LRRC4C: variants seen among roughly 807,000 people sequenced by gnomAD.
LRRC4C encodes leucine-rich repeat-containing protein 4C.
Under a neutral mutation model 33.6 loss-of-function variants are expected in LRRC4C, and 5 were observed. The ratio of observed to expected loss-of-function variants is 0.15; its 90% CI spans 0.08 to 0.31. The LOEUF is 0.31. LRRC4C is among the 10% of genes least tolerant of loss of function. The pLI, the probability that LRRC4C is intolerant of heterozygous loss-of-function variation, is 1.00. For missense variants in LRRC4C, 560 were observed against 796.7 expected, an observed-to-expected ratio of 0.70 and a Z score of 3.58; for synonymous variants, 329 against 302.0, an observed-to-expected ratio of 1.09 and a Z score of -0.93.
intron 1 of LRRC4C, among the ~76,000 whole-genome samples, chr11:41,171,081 G>C (rs1944956416): frequency 1.3e-5 from 2 of 151,852 alleles, no homozygotes; most frequent in African/African-American, 2.4e-5. Context: ...TTAGAATGGT[G>C]ATCATTAAAA....
intron 1 of LRRC4C, among the ~76,000 whole-genome samples, chr11:41,169,162 A>G (rs996366213): frequency 5.3e-5 from 8 of 152,188 alleles, no homozygotes; most frequent in Admixed American, 4.6e-4. Flanking sequence ...TATTCTCACT[A>G]TTCCTAGATT....
chr11:40,122,034 A>T (rs1442305467), intron 6 of LRRC4C, among the ~76,000 whole-genome samples: 2 of 152,080 alleles, frequency 1.3e-5, no homozygotes, highest in Non-Finnish European at 2.9e-5. Context: ...ACCAAAGCAA[A>T]TGGCTTCACT....
At chr11:40,977,657 C>A (rs1033231750) in intron 1 of LRRC4C, among the ~76,000 whole-genome samples, 9 of 152,086 alleles carry the variant, frequency 5.9e-5, no homozygotes, top group African/African-American at 1.9e-4. Context: ...TATTTTCAGT[C>A]CAGATTCCTG....
chr11:41,338,433 T>G (rs1437639084), intron 1 of LRRC4C, among the ~76,000 whole-genome samples: 3 of 151,932 alleles, frequency 2.0e-5, no homozygotes, highest in Non-Finnish European at 4.4e-5. Flanking sequence ...CTCAGAAAAT[T>G]AACACAGGAA....
chr11:41,232,334 T>C (rs1947840147), intron 1 of LRRC4C, among the ~76,000 whole-genome samples: 1 of 152,224 alleles, frequency 6.6e-6, no homozygotes, highest in South Asian at 2.1e-4. Flanking sequence ...CTTTGTTGTC[T>C]GAGCTGTACT....
At chr11:40,421,963 G>A (rs886074090) in intron 3 of LRRC4C, among the ~76,000 whole-genome samples, 1 of 152,222 alleles carries the variant, frequency 6.6e-6, no homozygotes, top group South Asian at 2.1e-4. Flanking sequence ...AGTTGAAACC[G>A]TGTTACCCCA....
intron 2 of LRRC4C, among the ~76,000 whole-genome samples, chr11:40,904,364 A>C (rs1458260701): frequency 6.6e-6 from 1 of 152,174 alleles, no homozygotes; most frequent in Admixed American, 6.6e-5. Flanking sequence ...GCTTCCTTAT[A>C]CATAGCAAAT....
chr11:41,020,529 A>G (rs550414897), intron 1 of LRRC4C, among the ~76,000 whole-genome samples: 1 of 152,258 alleles, frequency 6.6e-6, no homozygotes, highest in African/African-American at 2.4e-5. Flanking sequence ...ACAGACATGC[A>G]GAGGGAAGAT....
chr11:40,597,623 T>C (rs901468608), intron 3 of LRRC4C, among the ~76,000 whole-genome samples: 8 of 138,222 alleles, frequency 5.8e-5, no homozygotes, highest in Non-Finnish European at 1.3e-4. Flanking sequence ...AGAAATCCAC[T>C]GCCCAGGTTC....
intron 2 of LRRC4C, among the ~76,000 whole-genome samples, chr11:40,663,758 T>C (rs1943574267): frequency 6.6e-6 from 1 of 152,158 alleles, no homozygotes. Context: ...ATAACAATAC[T>C]ATGGTCTCAA....
intron 3 of LRRC4C, among the ~76,000 whole-genome samples, chr11:40,482,092 T>C (rs535531782): frequency 4.6e-5 from 7 of 152,322 alleles, no homozygotes; most frequent in African/African-American, 1.7e-4. Context: ...ATTAGAGACA[T>C]AAATTTCACT....
At chr11:40,565,528 T>G (rs1385125137) in intron 3 of LRRC4C, among the ~76,000 whole-genome samples, 1 of 152,154 alleles carries the variant, frequency 6.6e-6, no homozygotes, top group Non-Finnish European at 1.5e-5. Flanking sequence ...GACCTAGTGG[T>G]CTGGCTGAGA....
chr11:40,842,762 G>A lies in LRRC4C; in HGVS notation c.-407+90873C>T, dbSNP rs183696105. 1.4e-4 allele frequency among the ~76,000 whole-genome samples: 22 copies of A among 152,124 alleles called. No homozygotes were observed. In the East Asian group the frequency reaches 4.1e-3, roughly 28 times the overall value. On this transcript the variant is annotated intron_variant, in intron 2 of 6. Transcript: ENST00000528697. Reference sequence around the variant, plus strand: ...AATCTAAGGTTAATAGTAGAACCGTGGTTCTCAAGTGGGTCCTAGATCATA... The same window carrying A: ...AATCTAAGGTTAATAGTAGAACCGTAGTTCTCAAGTGGGTCCTAGATCATA...
chr11:40,563,553 G>C (rs186970160), intron 3 of LRRC4C, among the ~76,000 whole-genome samples: 1 of 152,120 alleles, frequency 6.6e-6, no homozygotes, highest in Non-Finnish European at 1.5e-5. Context: ...GGGTCTTTTT[G>C]GTAGATGCTT....
chr11:40,479,512 G>T (rs145175777), intron 3 of LRRC4C, among the ~76,000 whole-genome samples: 179 of 152,226 alleles, frequency 1.2e-3, no homozygotes, highest in Middle Eastern at 6.8e-3. Flanking sequence ...GACTATGGTA[G>T]GCCAAATTCA....
intron 5 of LRRC4C, among the ~76,000 whole-genome samples, chr11:40,162,294 A>T (rs1012573419): frequency 2.4e-4 from 37 of 152,144 alleles, no homozygotes; most frequent in African/African-American, 8.9e-4. Context: ...AAACGCTCAA[A>T]CATTTTGGCA....
chr11:41,043,834 G>A (rs938038354), intron 1 of LRRC4C, among the ~76,000 whole-genome samples: 1 of 151,854 alleles, frequency 6.6e-6, no homozygotes, highest in Non-Finnish European at 1.5e-5. Context: ...AATAGCCATA[G>A]TTAAGTGTTA....
At chr11:40,908,693 C>T (rs148777119) in intron 2 of LRRC4C, among the ~76,000 whole-genome samples, 154 of 152,224 alleles carry the variant, frequency 1.0e-3, no homozygotes, top group African/African-American at 3.6e-3. Context: ...AGTGGTAATA[C>T]TTCAAACTAT....
chr11:40,359,024 A>G (rs979477377), intron 3 of LRRC4C, among the ~76,000 whole-genome samples: 3 of 152,190 alleles, frequency 2.0e-5, no homozygotes, highest in Non-Finnish European at 4.4e-5. Context: ...CAGTTTAATT[A>G]ATCTCCTTCT....
Sources: gnomAD v4.1 joint callset for allele counts (sites outside exome capture counted in the v4.1 genomes callset) on GRCh38, gnomAD v4.1.1 for gene constraint, MANE v1.5 for transcripts, NCBI Gene and HGNC (gene_info 2026-07-23, HGNC 2026-07-21) for gene names.